Variants in PDZD11 observed in about 807,000 individuals in gnomAD.
PDZD11 encodes PDZ domain containing 11.
Under a neutral mutation model 13.7 loss-of-function variants are expected in PDZD11, and 2 were observed. The ratio of observed to expected loss-of-function variants is 0.15; its 90% CI spans 0.06 to 0.46. The LOEUF is 0.46. Ranked by LOEUF, PDZD11 falls within the 20% of genes least tolerant of loss-of-function variation. The pLI, the probability that PDZD11 is intolerant of heterozygous loss-of-function variation, is 0.98. For synonymous variants in PDZD11, 32 were observed against 37.5 expected (o/e 0.85, Z 0.54); for missense variants, 44 against 111.7 (o/e 0.39, Z 2.73).
chrX:70,288,388 G>A (rs1409023825), intron 3 of PDZD11, 42 bp downstream of exon 3: 11 of 1,118,631 alleles, frequency 9.8e-6, no homozygotes, highest in South Asian at 1.9e-5. Flanking sequence ...CCAATTTGTG[G>A]TATGGATGAA....
chrX:70,289,456 C>G (rs919471657), intron 1 of PDZD11, 102 bp from the exon 2 acceptor site: 6 of 1,140,943 alleles, frequency 5.3e-6, no homozygotes, highest in Non-Finnish European at 5.8e-6. Context: ...AGTCAGTCTA[C>G]AGGCCCAGCC....
In PDZD11 at chrX:70,288,176, G is replaced by A. The variant is rs773681276; in HGVS notation, c.172-3C>T. On this transcript the variant is annotated splice_region_variant and splice_polypyrimidine_tract_variant and intron_variant, in intron 3 of 6. Coordinates refer to ENST00000239666, the MANE Select transcript of PDZD11 (RefSeq NM_016484.5). ...CCTCCTCGGATGTTAAATCCCAACTGTAAGACAAGAGCACAGAATGGGGGC... is the reference window on the plus strand; with the variant it reads ...CCTCCTCGGATGTTAAATCCCAACTATAAGACAAGAGCACAGAATGGGGGC... 3.5e-5 allele frequency: 42 copies of A among 1,202,899 alleles called. No individual in the cohort carries two copies. In the East Asian group the frequency reaches 7.7e-4, roughly 22 times the overall value.
At chrX:70,289,658 T>C (rs762320494) in intron 1 of PDZD11, 1 of 272,214 alleles carries the variant, frequency 3.7e-6, no homozygotes, top group African/African-American at 2.8e-5. Flanking sequence ...TCTAAAAAGA[T>C]CTACTTTCGA....
At chrX:70,288,738 CTT>C (rs2085736630) in intron 2 of PDZD11, among the ~76,000 whole-genome samples, 1 of 97,192 alleles carries the variant, frequency 1.0e-5, no homozygotes, top group African/African-American at 3.8e-5. Flanking sequence ...GAGTTTTGCT[CTT>C]GTTGCCCAGG....
chrX:70,288,932 A>G (rs748265441), intron 2 of PDZD11, among the ~76,000 whole-genome samples: 2 of 111,381 alleles, frequency 1.8e-5, no homozygotes, highest in South Asian at 7.7e-4. Context: ...TCGAACTCCC[A>G]ACCTCAGGTG....
intron 3 of PDZD11, 105 bp from the exon 4 acceptor site, chrX:70,288,278 A>G: frequency 1.2e-6 from 1 of 859,960 alleles, no homozygotes; most frequent in South Asian, 2.2e-5. Context: ...CCTGAGAGGA[A>G]AGTCAGAAGT....
At chrX:70,288,195 T>TG in intron 3 of PDZD11, 22 bp from the exon 4 acceptor site, 1 of 1,184,695 alleles carries the variant, frequency 8.4e-7, no homozygotes. Context: ...GAGCACAGAA[T>TG]GGGGGCTCAA....
intron 2 of PDZD11, 22 bp downstream of exon 2, chrX:70,289,233 C>T: frequency 8.5e-7 from 1 of 1,178,491 alleles, no homozygotes; most frequent in Non-Finnish European, 1.1e-6. Flanking sequence ...ATCTCCTACT[C>T]AGGAATACAG....
At chrX:70,287,363 A>G in intron 5 of PDZD11, 27 bp from the exon 6 acceptor site, 1 of 1,173,431 alleles carries the variant, frequency 8.5e-7, no homozygotes, top group Non-Finnish European at 1.2e-6. Context: ...AGCTTGTACA[A>G]ATGAAGAGAT....
At chrX:70,289,055 AAC>A (rs764862260) in intron 2 of PDZD11, among the ~76,000 whole-genome samples, 198 bp downstream of exon 2, 192 of 111,768 alleles carry the variant, frequency 1.7e-3, no homozygotes, top group Middle Eastern at 0.014. Flanking sequence ...AACCGGTGTG[AAC>A]AGACCCTAGC....
At chrX:70,288,796 C>T (rs1401198601) in intron 2 of PDZD11, among the ~76,000 whole-genome samples, 2 of 109,159 alleles carry the variant, frequency 1.8e-5, no homozygotes, top group African/African-American at 6.7e-5. Flanking sequence ...CCTCTGCCTC[C>T]CAGGTTCAAG....
rs2085722611 is a variant in PDZD11 at position 70,287,044 on chromosome X, T to C, written c.*38A>G. 1 of 1,159,423 alleles carries C rather than the reference T, an allele frequency of 8.6e-7. No homozygotes were observed. The highest frequency in any genetic ancestry group is 1.2e-6 in the Non-Finnish European group (1 of 858,505). On this transcript the variant is annotated 3_prime_UTR_variant, in exon 7 of 7. Coordinates refer to ENST00000239666, the MANE Select transcript of PDZD11 (RefSeq NM_016484.5). ...CCCCTGAAGTCTAGTTAGCATGTCA[T>C]GACAGAGTCCACATGAAGGGCTGTG...
chrX:70,289,805 C>T (rs2085747587), intron 1 of PDZD11, 55 bp downstream of exon 1: 1 of 124,429 alleles, frequency 8.0e-6, no homozygotes, highest in Non-Finnish European at 1.6e-5. Flanking sequence ...CGTCCCCGCC[C>T]CACATTCTGC....
Position 70,287,021 on chromosome X carries a change from C to T in PDZD11, c.*61G>A. 1 of 1,068,134 alleles carries T rather than the reference C, an allele frequency of 9.4e-7. No homozygotes were observed. Among genetic ancestry groups the T allele is most frequent in the East Asian group, 3.2e-5 (1 of 31,182 alleles). The allele number at this position is 1,068,134 out of a possible 1,213,427, so 88.0% of individuals were successfully genotyped here. ...AGGGGCTGAAAACAGAAGTGGCTCC[C>T]CTGAAGTCTAGTTAGCATGTCATGA... On this transcript the variant is annotated 3_prime_UTR_variant, in exon 7 of 7. Transcript: ENST00000239666.
chrX:70,287,162 A>C, intron 6 of PDZD11, 46 bp from the exon 7 acceptor site: 5 of 1,170,505 alleles, frequency 4.3e-6, no homozygotes, highest in African/African-American at 1.8e-5. Flanking sequence ...GGTTATCTTC[A>C]CGCTTGAGCT....
At chrX:70,288,742 T>C (rs2085736710) in intron 2 of PDZD11, among the ~76,000 whole-genome samples, 1 of 106,961 alleles carries the variant, frequency 9.3e-6, no homozygotes, top group Non-Finnish European at 1.9e-5. Context: ...TTTGCTCTTG[T>C]TGCCCAGGCT....
At position 70,287,092 on chromosome X, in the gene PDZD11, G is replaced by T; in HGVS notation, c.413C>A (p.Thr138Asn). ...PYNYHRQKER[T>N]VH The stretch of plus-strand genomic sequence containing the variant: ...GTGGGCTGCAACTTTCTAGTGCACA[G>T]TCCTCTCTTTTTGGCGATGATAATC... Residue 138 changes from threonine to asparagine, a missense_variant, in exon 7 of 7, where the codon ACT becomes AAT. By Grantham distance (65) the Thr-to-Asn change is moderately conservative. Transcript: ENST00000239666. The T allele has an allele frequency of 8.3e-7, 1 of 1,199,558 alleles. No individual in the cohort carries two copies. Among genetic ancestry groups the T allele is most frequent in the Non-Finnish European group, 1.1e-6 (1 of 888,744 alleles).
At chrX:70,289,499 G>T in intron 1 of PDZD11, 145 bp from the exon 2 acceptor site, 1 of 972,309 alleles carries the variant, frequency 1.0e-6, no homozygotes, top group Non-Finnish European at 1.4e-6. Context: ...AGGAGAGAAG[G>T]AAGACAGAAG....
intron 4 of PDZD11, 86 bp from the exon 5 acceptor site, chrX:70,287,916 G>A: frequency 2.4e-6 from 2 of 817,428 alleles, no homozygotes; most frequent in East Asian, 6.2e-5. Context: ...CAAATGTATG[G>A]TGCTATTGTT....
Sources: allele counts gnomAD v4.1 joint callset (sites outside exome capture counted in the v4.1 genomes callset), GRCh38; gene constraint gnomAD v4.1.1; transcripts MANE v1.5; gene names NCBI Gene and HGNC (gene_info 2026-07-23, HGNC 2026-07-21).